The following LIN7C variants were observed in gnomAD, a reference collection of about 807,000 sequenced individuals.
LIN7C encodes protein lin-7 homolog C.
In LIN7C, 17 loss-of-function variants were observed where a neutral mutation model predicts 24.7. The observed-to-expected ratio is 0.69, with a 90% CI of 0.47 to 1.03. The LOEUF is 1.03. Among genes scored for constraint, LIN7C ranks in the 50% least tolerant of loss-of-function variants. LIN7C has a pLI of 0.00. For synonymous variants in LIN7C, 90 were observed against 83.4 expected (o/e 1.08, Z -0.43); for missense variants, 204 against 239.0 (o/e 0.85, Z 0.97).
At position 27,498,653 on chromosome 11, in the gene LIN7C, G is replaced by A. The variant is rs1233492488; in HGVS notation, c.590C>T (p.Thr197Ile). 1.5e-5 allele frequency: 24 copies of A among 1,613,546 alleles called. No homozygotes were observed. The highest frequency in any genetic ancestry group is 1.5e-5 in the Non-Finnish European group (18 of 1,179,842). ...AATATCAAGTTTTGAAATGTATTAG[G>A]TCTGTTGCCTGCGTTTTGCTGATCT... ...KMRSAKRRQQT is the reference protein window; with the variant it reads ...KMRSAKRRQQI Residue 197 changes from threonine (T) to isoleucine (I), a missense_variant, in exon 5 of 5, where the codon ACC (threonine) becomes ATC (isoleucine). Thr to Ile is a moderately conservative substitution (Grantham distance 89). Transcript: ENST00000278193.
chr11:27,506,085 T>TG (rs910380576), intron 1 of LIN7C, among the ~76,000 whole-genome samples: 1 of 152,196 alleles, frequency 6.6e-6, no homozygotes, highest in Admixed American at 6.5e-5. Context: ...TTGTAAGAAA[T>TG]GAAAAACACT....
At position 27,499,449 on chromosome 11, in the gene LIN7C, T is replaced by G. The variant is rs1395033670; in HGVS notation, c.348A>C (p.Pro116=). The part of the protein sequence containing the change: ...NIMGGKEQNS[P]IYISRIIPGG... ...CTGGAATTATTCGGGATATATAGAT[T>G]GGAGAGTTTTGTTCTTTGCCTCCCA... Residue 116 remains proline (P), a synonymous_variant, in exon 4 of 5, where the codon CCA becomes CCC. Coordinates refer to ENST00000278193, the MANE Select transcript of LIN7C (RefSeq NM_018362.4). 2 of 1,614,186 alleles carry G rather than the reference T, an allele frequency of 1.2e-6. No homozygotes were observed. Among genetic ancestry groups the G allele is most frequent in the East Asian group, 4.5e-5 (2 of 44,878 alleles).
chr11:27,495,524 A>G lies in LIN7C; in HGVS notation c.*3125T>C, dbSNP rs535127879. On this transcript the variant is annotated 3_prime_UTR_variant, in exon 5 of 5. Transcript: ENST00000278193. ...AAAAAAATTTGAATCGTCAAATCCTAAAGAACTAGGCTGCTATTATCTAGT... is the reference window on the plus strand; with the variant it reads ...AAAAAAATTTGAATCGTCAAATCCTGAAGAACTAGGCTGCTATTATCTAGT... 6.6e-6 allele frequency: 1 copy of G among 151,974 alleles called. No individual in the cohort carries two copies. The highest frequency in any genetic ancestry group is 1.5e-5 in the Non-Finnish European group (1 of 68,080). The allele number at this position is 151,974 out of a possible 1,614,324, so 9.4% of individuals were successfully genotyped here. A position where few individuals can be genotyped will look rare whatever the true frequency, so the allele number is the denominator to read the frequency against.
At position 27,497,595 on chromosome 11, in the gene LIN7C, C is replaced by A. The variant is rs970039363; in HGVS notation, c.*1054G>T. Reference sequence around the variant, plus strand: ...TCTACAGATTCTCATGAATACTTCACATCATAATTTCTATGTATCTTAAAT... The same window carrying A: ...TCTACAGATTCTCATGAATACTTCAAATCATAATTTCTATGTATCTTAAAT... On this transcript the variant is annotated 3_prime_UTR_variant, in exon 5 of 5. Transcript: ENST00000278193. 1 of 152,524 alleles carries A rather than the reference C, an allele frequency of 6.6e-6. No homozygotes were observed. Among genetic ancestry groups the A allele is most frequent in the Admixed American group, 6.5e-5 (1 of 15,274 alleles). 9.4% of individuals were successfully genotyped at this position (152,524 alleles called of 1,614,324 possible).
At chr11:27,506,447 G>A (rs1406566451) in intron 1 of LIN7C, among the ~76,000 whole-genome samples, 1 of 152,208 alleles carries the variant, frequency 6.6e-6, no homozygotes, top group African/African-American at 2.4e-5. Context: ...GCGCGTGTGC[G>A]GCGTGTGTCT....
Position 27,498,812 on chromosome 11 carries a change from A to C in LIN7C, c.439-8T>G, listed in dbSNP as rs569522277. ...ATGTTCTCCTTCAACACTCTAGGGGAAAAAAAAACAACCAACCATACACTA... is the reference window on the plus strand; with the variant it reads ...ATGTTCTCCTTCAACACTCTAGGGGCAAAAAAAACAACCAACCATACACTA... On this transcript the variant is annotated splice_polypyrimidine_tract_variant and splice_region_variant and intron_variant, in intron 4 of 4. Transcript: ENST00000278193. The C allele has an allele frequency of 2.3e-5, 36 of 1,591,884 alleles. No individual in the cohort carries two copies. Among genetic ancestry groups the C allele is most frequent in the Middle Eastern group, 1.7e-4 (1 of 6,032 alleles).
At position 27,498,269 on chromosome 11, in the gene LIN7C, T is replaced by C. The variant is rs1251912339; in HGVS notation, c.*380A>G. On this transcript the variant is annotated 3_prime_UTR_variant, in exon 5 of 5. Transcript: ENST00000278193. ...GCAAAAAAAAAGAATTGGAGAACTT[T>C]ACTTTTAAATCAGCAGCTAAATGAA... 1.3e-5 allele frequency: 2 copies of C among 156,006 alleles called. No homozygotes were observed. Among genetic ancestry groups the C allele is most frequent in the East Asian group, 3.7e-4 (2 of 5,348 alleles). 9.7% of individuals were successfully genotyped at this position (156,006 alleles called of 1,614,324 possible).
chr11:27,495,207 C>T lies in LIN7C; in HGVS notation c.*3442G>A, dbSNP rs1865151242. 1 of 152,178 alleles carries T rather than the reference C, an allele frequency of 6.6e-6. No individual in the cohort carries two copies. Among genetic ancestry groups the T allele is most frequent in the African/African-American group, 2.4e-5 (1 of 41,424 alleles). 9.4% of individuals were successfully genotyped at this position (152,178 alleles called of 1,614,324 possible). A position where few individuals can be genotyped will look rare whatever the true frequency, so the allele number is the denominator to read the frequency against. ...TTGAGGCTGGGCATGGTGGCTCACGCCAGTAATTCCAGCACTTTGGGAGGC... is the reference window on the plus strand; with the variant it reads ...TTGAGGCTGGGCATGGTGGCTCACGTCAGTAATTCCAGCACTTTGGGAGGC... On this transcript the variant is annotated 3_prime_UTR_variant, in exon 5 of 5. Transcript: ENST00000278193.
chr11:27,494,987 TGTA>T lies in LIN7C; in HGVS notation c.*3659_*3661del, dbSNP rs1241108531. 3 of 152,620 alleles carry T rather than the reference TGTA, an allele frequency of 2.0e-5. No homozygotes were observed. Among genetic ancestry groups the T allele is most frequent in the Non-Finnish European group, 4.4e-5 (3 of 68,038 alleles). The allele number at this position is 152,620 out of a possible 1,614,324, so 9.5% of individuals were successfully genotyped here. A position where few individuals can be genotyped will look rare whatever the true frequency, so the allele number is the denominator to read the frequency against. On this transcript the variant is annotated 3_prime_UTR_variant, in exon 5 of 5. Coordinates refer to ENST00000278193, the MANE Select transcript of LIN7C (RefSeq NM_018362.4). ...CCACATTATAAAATATTCACAAACA[TGTA>T]GTTTTTTAAGTCTACACCAGGTCAT...
At chr11:27,506,584 G>C (rs936907412) in intron 1 of LIN7C, 132 bp downstream of exon 1, 25 of 968,674 alleles carry the variant, frequency 2.6e-5, no homozygotes, top group Non-Finnish European at 3.5e-5. Flanking sequence ...AGAGACAACG[G>C]CGGCCTCTGG....
At chr11:27,500,221 G>C (rs189592792) in intron 3 of LIN7C, among the ~76,000 whole-genome samples, 7 of 152,238 alleles carry the variant, frequency 4.6e-5, no homozygotes, top group African/African-American at 1.4e-4. Context: ...CCCTTCCCCA[G>C]CATGCTAGCA....
rs1031776903 is a variant in LIN7C at position 27,496,603 on chromosome 11, T to C, written c.*2046A>G. 6.6e-6 allele frequency: 1 copy of C among 152,170 alleles called. No individual in the cohort carries two copies. Among genetic ancestry groups the C allele is most frequent in the Non-Finnish European group, 1.5e-5 (1 of 68,002 alleles). The allele number at this position is 152,170 out of a possible 1,614,324, so 9.4% of individuals were successfully genotyped here. ...TGGCTCCTTTGAGCTACCCTTATTT[T>C]AAGAATTATAAATAGGTGTCAACCC... On this transcript the variant is annotated 3_prime_UTR_variant, in exon 5 of 5. Transcript: ENST00000278193.
chr11:27,498,476 T>C lies in LIN7C; in HGVS notation c.*173A>G. ...CTTTTTCTTGTCAGAAAAAAGTGTA[T>C]GCATCTCTGGAACCATAAATGATGT... is the stretch of plus-strand genomic sequence containing the variant. On this transcript the variant is annotated 3_prime_UTR_variant, in exon 5 of 5. Coordinates refer to ENST00000278193, the MANE Select transcript of LIN7C (RefSeq NM_018362.4). 3.4e-6 allele frequency: 2 copies of C among 595,302 alleles called. No homozygotes were observed. Among genetic ancestry groups the C allele is most frequent in the Non-Finnish European group, 2.8e-6 (1 of 356,146 alleles). The allele number at this position is 595,302 out of a possible 1,614,324, so 36.9% of individuals were successfully genotyped here. A position where few individuals can be genotyped will look rare whatever the true frequency, so the allele number is the denominator to read the frequency against.
chr11:27,506,355 G>C (rs1017703597), intron 1 of LIN7C, among the ~76,000 whole-genome samples: 6 of 152,206 alleles, frequency 3.9e-5, no homozygotes, highest in Admixed American at 3.3e-4. Context: ...AATGAGTGTA[G>C]TCTGTGCGAA....
At chr11:27,500,105 T>C (rs926263851) in intron 3 of LIN7C, among the ~76,000 whole-genome samples, 6 of 152,182 alleles carry the variant, frequency 3.9e-5, no homozygotes, top group East Asian at 1.9e-4. Context: ...TTTTAGGTCA[T>C]TCCTAGCCCA....
At chr11:27,506,553 GC>G (rs1257429937) in intron 1 of LIN7C, among the ~76,000 whole-genome samples, 162 bp downstream of exon 1, 5 of 152,148 alleles carry the variant, frequency 3.3e-5, no homozygotes, top group Admixed American at 6.5e-5. Context: ...TACCGTAAGC[GC>G]CCTTCCTAGA....
chr11:27,500,364 C>G (rs1865212790), intron 3 of LIN7C, among the ~76,000 whole-genome samples: 1 of 152,066 alleles, frequency 6.6e-6, no homozygotes, highest in South Asian at 2.1e-4. Flanking sequence ...GTACTATATA[C>G]TAAATATCTA....
chr11:27,500,907 T>A (rs147275258), intron 3 of LIN7C, among the ~76,000 whole-genome samples: 16 of 152,302 alleles, frequency 1.1e-4, no homozygotes, highest in African/African-American at 3.9e-4. Flanking sequence ...TAAAAAACTA[T>A]CTGCTGATGA....
In LIN7C at chr11:27,501,932, C is replaced by T; in HGVS notation, c.38-12G>A. On this transcript the variant is annotated splice_polypyrimidine_tract_variant and intron_variant, in intron 1 of 4. Transcript: ENST00000278193. ...TGCTCTACAAATATCTAGAGTTAAA[C>T]ACACACACAGATAATTTTCTCCAAG... The T allele has an allele frequency of 6.8e-7, 1 of 1,466,080 alleles. No homozygotes were observed. Among genetic ancestry groups the T allele is most frequent in the Non-Finnish European group, 9.5e-7 (1 of 1,048,314 alleles). The allele number at this position is 1,466,080 out of a possible 1,614,324, so 90.8% of individuals were successfully genotyped here.
Sources: gnomAD v4.1 joint callset for allele counts (sites outside exome capture counted in the v4.1 genomes callset) on GRCh38, gnomAD v4.1.1 for gene constraint, MANE v1.5 for transcripts, NCBI Gene and HGNC (gene_info 2026-07-23, HGNC 2026-07-21) for gene names.